The following SPECC1 variants were observed in gnomAD, a reference collection of about 807,000 sequenced individuals.
SPECC1 encodes the protein cytospin-B.
Under a neutral mutation model 104.1 loss-of-function variants are expected in SPECC1, and 62 were observed. The observed-to-expected ratio is 0.60, with a 90% CI of 0.49 to 0.74. The LOEUF (loss-of-function observed/expected upper bound fraction) is 0.74, where lower values mean the gene tolerates loss of function less well. Among genes scored for constraint, SPECC1 ranks in the 30% least tolerant of loss-of-function variants. The pLI is 0.00. For missense variants in SPECC1, 1,306 were observed against 1,310.5 expected, an observed-to-expected ratio of 1.00 and a Z score of 0.05; for synonymous variants, 513 against 501.6, an observed-to-expected ratio of 1.02 and a Z score of -0.30.
chr17:20,276,241 T>G (rs961393313), intron 12 of SPECC1, among the ~76,000 whole-genome samples: 1 of 152,130 alleles, frequency 6.6e-6, no homozygotes, highest in Non-Finnish European at 1.5e-5. Context: ...CTTAGCCTCC[T>G]AAGTAGCTGG....
At chr17:20,062,068 G>T (rs145445387) in intron 1 of SPECC1, among the ~76,000 whole-genome samples, 1 of 151,682 alleles carries the variant, frequency 6.6e-6, no homozygotes, top group East Asian at 1.9e-4. Flanking sequence ...TGGCTAGCAC[G>T]GTGAAACCCC....
At chr17:20,251,294 AAT>A (rs2151561357) in intron 9 of SPECC1, among the ~76,000 whole-genome samples, 1 of 150,754 alleles carries the variant, frequency 6.6e-6, no homozygotes, top group East Asian at 2.0e-4. Flanking sequence ...GATAAAGATT[AAT>A]ATCTTTCTTG....
intron 3 of SPECC1, among the ~76,000 whole-genome samples, chr17:20,142,070 T>C (rs1283067043): frequency 2.0e-5 from 3 of 152,372 alleles, no homozygotes; most frequent in Admixed American, 6.5e-5. Flanking sequence ...AGATGCTGAA[T>C]GTTATCTACC....
chr17:20,037,687 A>C (rs1404191000), intron 1 of SPECC1, among the ~76,000 whole-genome samples: 1 of 152,056 alleles, frequency 6.6e-6, no homozygotes, highest in Non-Finnish European at 1.5e-5. Flanking sequence ...ATTTGGTAGA[A>C]TTCTTCAGTG....
Position 20,313,983 on chromosome 17 carries a change from G to A in SPECC1, c.3125G>A (p.Ser1042Asn), listed in dbSNP as rs2041998126. ...CATTCCCTTCCCCTGCAGGAACTCA[G>A]CGAGATGCTGTACACAGACCGGCCC... is the stretch of plus-strand genomic sequence containing the variant. ...SVGIKPSLEL[S>N]EMLYTDRPDW... The change falls in exon 15 of 15, where the codon AGC becomes AAC. Residue 1042 changes from serine (S) to asparagine (N), a missense_variant. Physicochemically the swap from Ser to Asn is conservative, Grantham distance 46. This residue lies in a region of SPECC1 where 129 missense variants were observed against 170.6 expected (regional missense o/e 0.76). Transcript: ENST00000395527. The A allele has an allele frequency of 6.2e-7, 1 of 1,614,034 alleles. No individual in the cohort carries two copies. The highest frequency in any genetic ancestry group is 1.3e-5 in the African/African-American group (1 of 74,932).
intron 2 of SPECC1, among the ~76,000 whole-genome samples, chr17:20,098,097 C>G (rs936006194): frequency 6.6e-6 from 1 of 152,158 alleles, no homozygotes; most frequent in Non-Finnish European, 1.5e-5. Flanking sequence ...TGGGACCCCT[C>G]TAACTGCCTT....
intron 4 of SPECC1, among the ~76,000 whole-genome samples, chr17:20,219,681 A>G (rs1423018686): frequency 6.6e-6 from 1 of 152,028 alleles, no homozygotes; most frequent in Admixed American, 6.6e-5. Flanking sequence ...TTTTAACTTG[A>G]TGTGATCTCA....
chr17:20,099,552 G>A (rs2047825783), intron 2 of SPECC1, among the ~76,000 whole-genome samples: 1 of 149,190 alleles, frequency 6.7e-6, no homozygotes. Context: ...AGCCTTAGCC[G>A]GGCGTGGTGG....
At chr17:20,119,910 G>A (rs1298984773) in intron 3 of SPECC1, among the ~76,000 whole-genome samples, 1 of 152,224 alleles carries the variant, frequency 6.6e-6, no homozygotes, top group Non-Finnish European at 1.5e-5. Flanking sequence ...TTTGAGCACT[G>A]ACATGATGCT....
chr17:20,262,453 A>G (rs1258916296), intron 12 of SPECC1, among the ~76,000 whole-genome samples: 3 of 152,180 alleles, frequency 2.0e-5, no homozygotes, highest in Non-Finnish European at 2.9e-5. Context: ...ATTCACATCA[A>G]CACTTGGTAT....
intron 3 of SPECC1, among the ~76,000 whole-genome samples, chr17:20,173,640 T>C (rs2034252219): frequency 6.6e-6 from 1 of 152,126 alleles, no homozygotes; most frequent in South Asian, 2.1e-4. Context: ...AAACTGTAAT[T>C]GTCAGGATTA....
chr17:20,054,129 C>T (rs2152464174), intron 1 of SPECC1, among the ~76,000 whole-genome samples: 1 of 152,256 alleles, frequency 6.6e-6, no homozygotes, highest in African/African-American at 2.4e-5. Flanking sequence ...AGTTTCTTGC[C>T]TCCAGCTTCA....
chr17:20,231,855 A>C lies in SPECC1; in HGVS notation c.2145+24A>C, dbSNP rs749265545. Reference sequence around the variant, plus strand: ...AGGTGAGATGCGGGTGGGAGCCTTCACCACCATCTTCCTATGAATTACCCG... The same window carrying C: ...AGGTGAGATGCGGGTGGGAGCCTTCCCCACCATCTTCCTATGAATTACCCG... On this transcript the variant is annotated intron_variant, in intron 6 of 14. Coordinates refer to ENST00000395527, the MANE Select transcript of SPECC1 (RefSeq NM_001243439.2). The C allele has an allele frequency of 7.4e-6, 12 of 1,610,930 alleles. No individual in the cohort carries two copies. In the South Asian group the frequency reaches 1.3e-4, roughly 18 times the overall value.
intron 7 of SPECC1, among the ~76,000 whole-genome samples, chr17:20,241,293 A>T (rs2039189164): frequency 2.0e-5 from 3 of 152,244 alleles, no homozygotes; most frequent in African/African-American, 7.2e-5. Context: ...TTAGGTGCAC[A>T]CTGTGGCTCT....
At chr17:20,123,510 C>G (rs2049138528) in intron 3 of SPECC1, among the ~76,000 whole-genome samples, 18 of 152,198 alleles carry the variant, frequency 1.2e-4, no homozygotes, top group Admixed American at 1.2e-3. Flanking sequence ...CCTGAGACAC[C>G]TGTCCTCTCT....
intron 1 of SPECC1, among the ~76,000 whole-genome samples, chr17:20,025,864 C>T (rs1195523739): frequency 1.3e-5 from 2 of 152,088 alleles, no homozygotes; most frequent in African/African-American, 4.8e-5. Context: ...ACATCCTTAC[C>T]AACATTTGTT....
At chr17:20,111,812 G>T (rs957538452) in intron 3 of SPECC1, 7 of 831,598 alleles carry the variant, frequency 8.4e-6, no homozygotes, top group South Asian at 4.0e-5. Flanking sequence ...GACCCAGGGG[G>T]GGGGCAGCGC....
chr17:20,132,712 GTTATTTATTTAT>G (rs56948106), intron 3 of SPECC1, among the ~76,000 whole-genome samples: 51 of 144,994 alleles, frequency 3.5e-4, no homozygotes, highest in Middle Eastern at 3.5e-3. Flanking sequence ...TTTATGTGTA[GTTATTTATTTAT>G]TTATTTATTT....
intron 1 of SPECC1, among the ~76,000 whole-genome samples, chr17:20,044,518 G>T (rs562135530): frequency 6.6e-6 from 1 of 152,132 alleles, no homozygotes; most frequent in Non-Finnish European, 1.5e-5. Flanking sequence ...GGAAAAGAGC[G>T]TGATGGTGTT....
Sources: allele counts gnomAD v4.1 joint callset (sites outside exome capture counted in the v4.1 genomes callset), GRCh38; gene constraint gnomAD v4.1.1; regional missense constraint gnomAD v4.1.1; transcripts MANE v1.5; gene names NCBI Gene and HGNC (gene_info 2026-07-23, HGNC 2026-07-21).